MBLAC2: variants seen among roughly 807,000 people sequenced by gnomAD.
The protein encoded by MBLAC2 is metallo-beta-lactamase domain containing 2.
MBLAC2 carries 24 observed loss-of-function variants against 23.3 expected under a neutral mutation model. That is an observed-to-expected ratio of 1.03 (90% CI 0.75 to 1.45). The LOEUF (loss-of-function observed/expected upper bound fraction) is 1.45. Among genes scored for constraint, MBLAC2 ranks in the 40% most tolerant of loss-of-function variants. The pLI, the probability that MBLAC2 is intolerant of heterozygous loss-of-function variation, is 0.00. For missense variants in MBLAC2, 358 were observed against 370.0 expected (o/e 0.97, Z 0.27); for synonymous variants, 162 against 150.9 (o/e 1.07, Z -0.54).
chr5:90,458,544 G>A lies in MBLAC2; in HGVS notation c.*2623C>T, dbSNP rs1213180336. 6.6e-6 allele frequency: 1 copy of A among 152,136 alleles called. No individual in the cohort carries two copies. Among genetic ancestry groups the A allele is most frequent in the Admixed American group, 6.5e-5 (1 of 15,270 alleles). The allele number at this position is 152,136 out of a possible 1,614,324, so 9.4% of individuals were successfully genotyped here. On this transcript the variant is annotated 3_prime_UTR_variant, in exon 2 of 2. Transcript: ENST00000316610. ...AAGTTACAAGGGTCACTGTCAGGGT[G>A]AAAATATATTTTGAAAAGCTTTTTA...
Position 90,461,621 on chromosome 5 carries a change from A to G in MBLAC2, c.455-69T>C, listed in dbSNP as rs1370786553. The G allele has an allele frequency of 2.2e-6, 3 of 1,377,468 alleles. No homozygotes were observed. The African/African-American group carries it at 4.4e-5, about 20-fold the overall frequency. The allele number at this position is 1,377,468 out of a possible 1,614,324, so 85.3% of individuals were successfully genotyped here. Reference sequence around the variant, plus strand: ...TGACTTAGCATGTAAAGCATACTAGAGCATTATATGCTTCCAAAGAAATTG... The same window carrying G: ...TGACTTAGCATGTAAAGCATACTAGGGCATTATATGCTTCCAAAGAAATTG... On this transcript the variant is annotated intron_variant, in intron 1 of 1. Coordinates refer to ENST00000316610, the MANE Select transcript of MBLAC2 (RefSeq NM_203406.2).
rs145567337 is a variant in MBLAC2 at position 90,474,664 on chromosome 5, G to A, written c.-372C>T. ...GTTTCGCCACCCCGGGCGTGTGACA[G>A]CAGAGGCCCGCAGTGAGGGTGGGAA... On this transcript the variant is annotated 5_prime_UTR_variant, in exon 1 of 2. Coordinates refer to ENST00000316610, the MANE Select transcript of MBLAC2 (RefSeq NM_203406.2). The A allele has an allele frequency of 7.4e-3, 2,107 of 284,684 alleles. 50 individuals carry two copies. Among genetic ancestry groups the A allele is most frequent in the African/African-American group, 0.045 (1,954 of 43,320 alleles). The allele number at this position is 284,684 out of a possible 1,614,324, so 17.6% of individuals were successfully genotyped here.
chr5:90,460,990 G>C lies in MBLAC2; in HGVS notation c.*177C>G. On this transcript the variant is annotated 3_prime_UTR_variant, in exon 2 of 2. Transcript: ENST00000316610. Reference sequence around the variant, plus strand: ...GCTTATTTAAGTGGCTTCTTTCTTGGAAGAAAGAAAACAATTTAAACTAAC... The same window carrying C: ...GCTTATTTAAGTGGCTTCTTTCTTGCAAGAAAGAAAACAATTTAAACTAAC... 1 of 565,318 alleles carries C rather than the reference G, an allele frequency of 1.8e-6. No homozygotes were observed. Among genetic ancestry groups the C allele is most frequent in the Non-Finnish European group, 2.9e-6 (1 of 344,052 alleles). The allele number at this position is 565,318 out of a possible 1,614,324, so 35.0% of individuals were successfully genotyped here.
intron 1 of MBLAC2, among the ~76,000 whole-genome samples, chr5:90,462,447 C>T (rs886866287): frequency 1.3e-5 from 2 of 151,916 alleles, no homozygotes; most frequent in African/African-American, 4.8e-5. Context: ...ATTTGGTAAA[C>T]ATAAAAAGGC....
intron 1 of MBLAC2, 89 bp downstream of exon 1, chr5:90,473,750 G>T: frequency 7.7e-7 from 1 of 1,290,838 alleles, no homozygotes; most frequent in Non-Finnish European, 1.1e-6. Flanking sequence ...CCCCTTTATG[G>T]CCACGCAAGT....
intron 1 of MBLAC2, 50 bp downstream of exon 1, chr5:90,473,789 T>C (rs1459454414): frequency 3.3e-6 from 5 of 1,514,274 alleles, no homozygotes; most frequent in Non-Finnish European, 4.5e-6. Context: ...GGACAGTCTC[T>C]TCCCAATACC....
intron 1 of MBLAC2, among the ~76,000 whole-genome samples, chr5:90,471,032 C>T (rs995136936): frequency 1.3e-5 from 2 of 152,128 alleles, no homozygotes; most frequent in African/African-American, 4.8e-5. Context: ...AAGGCTTCAG[C>T]GGTGCAAACT....
chr5:90,473,415 G>C, intron 1 of MBLAC2: 2 of 479,622 alleles, frequency 4.2e-6, no homozygotes, highest in Non-Finnish European at 3.7e-6. Context: ...CAAAAGCACA[G>C]ATCATGACAT....
chr5:90,470,217 G>C (rs982599864), intron 1 of MBLAC2, among the ~76,000 whole-genome samples: 3 of 152,162 alleles, frequency 2.0e-5, no homozygotes, highest in African/African-American at 7.2e-5. Context: ...GGGTAGGGGG[G>C]AAGGGAATGA....
intron 1 of MBLAC2, among the ~76,000 whole-genome samples, chr5:90,471,226 C>G (rs1427811913): frequency 1.3e-5 from 2 of 152,138 alleles, no homozygotes; most frequent in East Asian, 1.9e-4. Context: ...TTCAATCCAC[C>G]ACCTTCCTAC....
rs1750313301 is a variant in MBLAC2, at chr5:90,459,131, G to T, written c.*2036C>A. On this transcript the variant is annotated 3_prime_UTR_variant, in exon 2 of 2. Coordinates refer to ENST00000316610, the MANE Select transcript of MBLAC2 (RefSeq NM_203406.2). ...TATAAAAATAATGGCTTTATTTAAGGCTTAGTAAGTGATTATTTGTAGTTG... is the reference window on the plus strand; with the variant it reads ...TATAAAAATAATGGCTTTATTTAAGTCTTAGTAAGTGATTATTTGTAGTTG... The T allele has an allele frequency of 1.3e-5, 2 of 152,366 alleles. No individual in the cohort carries two copies. The highest frequency in any genetic ancestry group is 1.3e-4 in the Admixed American group (2 of 15,252). The allele number at this position is 152,366 out of a possible 1,614,324, so 9.4% of individuals were successfully genotyped here. A position where few individuals can be genotyped will look rare whatever the true frequency, so the allele number is the denominator to read the frequency against.
rs775895857 is a variant in MBLAC2, at chr5:90,474,229, G to T, written c.64C>A (p.Arg22Ser). The change falls in exon 1 of 2, where the codon CGT becomes AGT. Residue 22 changes from arginine to serine, a missense_variant. Physicochemically the swap from Arg to Ser is moderately radical, Grantham distance 110 (BLOSUM62 -1). Transcript: ENST00000316610. ...LGDGIFWIQE[R>S]FYESGNRANI... The stretch of plus-strand genomic sequence containing the variant: ...GCACGGTTGCCCGACTCGTAGAAAC[G>T]TTCTTGAATCCAGAAGATACCATCG... 1.2e-6 allele frequency: 2 copies of T among 1,613,420 alleles called. No homozygotes were observed.
At chr5:90,467,756 G>GT (rs1422278468) in intron 1 of MBLAC2, among the ~76,000 whole-genome samples, 2 of 142,302 alleles carry the variant, frequency 1.4e-5, no homozygotes, top group African/African-American at 5.4e-5. Context: ...GGGGGGGGCG[G>GT]TTTGTTTGTT....
In MBLAC2 at chr5:90,467,943, C is replaced by G. The variant is rs561877825; in HGVS notation, c.454+5896G>C. ...TCAGCATTTGTTTGTCTAGAAAAGA[C>G]TGTATCTTTCTTTCATTTATGAAGT... is the stretch of plus-strand genomic sequence containing the variant. On this transcript the variant is annotated intron_variant, in intron 1 of 1. Coordinates refer to ENST00000316610, the MANE Select transcript of MBLAC2 (RefSeq NM_203406.2). Among the ~76,000 whole-genome samples the G allele has an allele frequency of 1.7e-3, 255 of 152,304 alleles. 1 individual carries two copies. Among genetic ancestry groups the G allele is most frequent in the African/African-American group, 5.9e-3 (246 of 41,570 alleles).
chr5:90,470,981 C>T (rs1750538693), intron 1 of MBLAC2, among the ~76,000 whole-genome samples: 1 of 152,142 alleles, frequency 6.6e-6, no homozygotes, highest in African/African-American at 2.4e-5. Flanking sequence ...CCTTTGCCGC[C>T]ACTGAGGTAC....
intron 1 of MBLAC2, among the ~76,000 whole-genome samples, chr5:90,468,772 G>A (rs900864721): frequency 1.3e-5 from 2 of 152,004 alleles, no homozygotes; most frequent in Non-Finnish European, 2.9e-5. Context: ...AACTCCAAAA[G>A]AAACCCTCAA....
At chr5:90,462,370 A>C (rs1039645086) in intron 1 of MBLAC2, among the ~76,000 whole-genome samples, 2 of 152,232 alleles carry the variant, frequency 1.3e-5, no homozygotes, top group African/African-American at 4.8e-5. Flanking sequence ...AAGCACATAC[A>C]CAGGAAAAAA....
At chr5:90,471,411 G>A (rs1214063926) in intron 1 of MBLAC2, among the ~76,000 whole-genome samples, 1 of 151,576 alleles carries the variant, frequency 6.6e-6, no homozygotes, top group East Asian at 1.9e-4. Context: ...ATGCCCACTC[G>A]AGAGGTATGT....
At chr5:90,473,811 A>T (rs1320243383) in intron 1 of MBLAC2, 28 bp downstream of exon 1, 3 of 1,549,284 alleles carry the variant, frequency 1.9e-6, no homozygotes, top group Non-Finnish European at 2.6e-6. Flanking sequence ...TCCCTTAACG[A>T]GAGCGCGCGC....
Sources: gnomAD v4.1 joint callset for allele counts (sites outside exome capture counted in the v4.1 genomes callset) on GRCh38, gnomAD v4.1.1 for gene constraint, MANE v1.5 for transcripts, NCBI Gene and HGNC (gene_info 2026-07-23, HGNC 2026-07-21) for gene names.